The following NT5DC3 variants were observed in gnomAD, a reference collection of about 807,000 sequenced individuals.
The protein encoded by NT5DC3 is 5'-nucleotidase domain-containing protein 3.
NT5DC3 carries 42 observed loss-of-function variants against 67.8 expected under a neutral mutation model. That is an observed-to-expected ratio of 0.62 (90% CI 0.48 to 0.80). The LOEUF (loss-of-function observed/expected upper bound fraction) is 0.80, where lower values mean the gene tolerates loss of function less well. Among genes scored for constraint, NT5DC3 ranks in the 30% least tolerant of loss-of-function variants. The pLI is 0.00. For synonymous variants in NT5DC3, 237 were observed against 255.6 expected (o/e 0.93, Z 0.69); for missense variants, 570 against 696.4 (o/e 0.82, Z 2.04).
chr12:103,812,413 C>G (rs76080063), intron 2 of NT5DC3, among the ~76,000 whole-genome samples: 1 of 152,106 alleles, frequency 6.6e-6, no homozygotes, highest in East Asian at 1.9e-4. Context: ...ATAGTTTTAT[C>G]AAAGCAACAA....
At chr12:103,823,884 T>C (rs1887586197) in intron 1 of NT5DC3, among the ~76,000 whole-genome samples, 2 of 152,164 alleles carry the variant, frequency 1.3e-5, no homozygotes, top group Admixed American at 6.5e-5. Flanking sequence ...CCAGTGAAAA[T>C]GACAAGAAAA....
chr12:103,806,030 C>A (rs1886784769), intron 4 of NT5DC3, among the ~76,000 whole-genome samples: 1 of 152,062 alleles, frequency 6.6e-6, no homozygotes, highest in Admixed American at 6.5e-5. Flanking sequence ...CTCCAGACTG[C>A]TCCCGACCTC....
downstream of NT5DC3, chr12:103,765,891 T>A: frequency 2.8e-6 from 1 of 355,528 alleles, no homozygotes; most frequent in Non-Finnish European, 5.5e-6. Context: ...CCACCACTGG[T>A]TCAAGATGAA....
intron 13 of NT5DC3, 70 bp downstream of exon 13, chr12:103,780,230 G>T: frequency 7.6e-7 from 1 of 1,320,486 alleles, no homozygotes; most frequent in Non-Finnish European, 1.1e-6. Context: ...TGGCCCTGGG[G>T]AACACATGTG....
the NT5DC3 span, among the ~76,000 whole-genome samples, chr12:103,757,533 T>TG: frequency 6.6e-5 from 10 of 152,170 alleles, no homozygotes; most frequent in Admixed American, 2.6e-4. Context: ...GAGCAGGGCT[T>TG]GGGGGGCACC....
At chr12:103,798,833 A>T (rs1196156549) in intron 4 of NT5DC3, among the ~76,000 whole-genome samples, 156 bp from the exon 5 acceptor site, 1 of 152,242 alleles carries the variant, frequency 6.6e-6, no homozygotes, top group Non-Finnish European at 1.5e-5. Context: ...AATATCAGGT[A>T]AGATGCTACT....
At chr12:103,780,145 A>G (rs934906489) in intron 13 of NT5DC3, among the ~76,000 whole-genome samples, 155 bp downstream of exon 13, 1 of 152,240 alleles carries the variant, frequency 6.6e-6, no homozygotes, top group African/African-American at 2.4e-5. Context: ...AACAGCAGGT[A>G]GCTGATTCTG....
chr12:103,767,912 C>T (rs969343433), downstream of NT5DC3, among the ~76,000 whole-genome samples: 2 of 151,108 alleles, frequency 1.3e-5, no homozygotes, highest in African/African-American at 4.9e-5. Context: ...GAAACCCCGT[C>T]TCTACTAAAA....
At position 103,801,698 on chromosome 12, in the gene NT5DC3, A is replaced by T. The variant is rs1023343154; in HGVS notation, c.525-3021T>A. On this transcript the variant is annotated intron_variant, in intron 4 of 13. Coordinates refer to ENST00000392876, the MANE Select transcript of NT5DC3 (RefSeq NM_001031701.3). ...GCCCAGACAGGCTGGCATTTTTTTT[A>T]AATGTATTTAACACATTAGGGCAGA... 3.9e-5 allele frequency among the ~76,000 whole-genome samples: 6 copies of T among 151,966 alleles called. No individual in the cohort carries two copies. In the East Asian group the frequency reaches 5.8e-4, roughly 15 times the overall value.
At chr12:103,755,754 G>A in the NT5DC3 span, 1 of 1,606,580 alleles carries the variant, frequency 6.2e-7, no homozygotes, top group Non-Finnish European at 8.5e-7. Context: ...CCTCAGGCAG[G>A]GAGGGGTTGC....
At chr12:103,826,324 G>C (rs1195766094) in intron 1 of NT5DC3, among the ~76,000 whole-genome samples, 2 of 152,222 alleles carry the variant, frequency 1.3e-5, no homozygotes, top group Non-Finnish European at 1.5e-5. Flanking sequence ...TAAGGTTGCA[G>C]ATGGATTAAG....
At chr12:103,825,947 TAA>T (rs1887677357) in intron 1 of NT5DC3, among the ~76,000 whole-genome samples, 1 of 152,132 alleles carries the variant, frequency 6.6e-6, no homozygotes, top group Non-Finnish European at 1.5e-5. Flanking sequence ...CTCCATGAAG[TAA>T]ATACTACAAT....
the NT5DC3 span, chr12:103,762,201 G>C: frequency 6.3e-7 from 1 of 1,585,636 alleles, no homozygotes; most frequent in Non-Finnish European, 8.6e-7. Context: ...AGAATGCCTC[G>C]GGCCACCAAG....
At chr12:103,782,089 G>C (rs1386385620) in intron 12 of NT5DC3, among the ~76,000 whole-genome samples, 1 of 152,236 alleles carries the variant, frequency 6.6e-6, no homozygotes, top group Non-Finnish European at 1.5e-5. Context: ...TTCATGACAG[G>C]CTGGGCGTGG....
At chr12:103,825,828 A>G (rs1319269398) in intron 1 of NT5DC3, among the ~76,000 whole-genome samples, 1 of 152,246 alleles carries the variant, frequency 6.6e-6, no homozygotes, top group Non-Finnish European at 1.5e-5. Flanking sequence ...AAAATTTTTC[A>G]TTAGAATATA....
At chr12:103,746,585 C>G in the NT5DC3 span, 5 of 1,613,718 alleles carry the variant, frequency 3.1e-6, no homozygotes, top group South Asian at 5.5e-5. Context: ...AAAGTGGCCC[C>G]TTTCTTTGCA....
At chr12:103,810,825 C>G (rs576917002) in intron 2 of NT5DC3, among the ~76,000 whole-genome samples, 1 of 152,338 alleles carries the variant, frequency 6.6e-6, no homozygotes, top group East Asian at 1.9e-4. Flanking sequence ...CAGCTAGTAA[C>G]CTCTACGTTA....
intron 1 of NT5DC3, among the ~76,000 whole-genome samples, chr12:103,817,823 C>T (rs1226653954): frequency 2.0e-5 from 3 of 152,214 alleles, no homozygotes; most frequent in Non-Finnish European, 4.4e-5. Flanking sequence ...GTCAATCCAT[C>T]ATTTCTGAGC....
chr12:103,755,699 C>A, the NT5DC3 span: 1 of 1,614,132 alleles, frequency 6.2e-7, no homozygotes. Context: ...TCCTTCCCCT[C>A]ACTCACAAAC....
Sources: allele counts gnomAD v4.1 joint callset (sites outside exome capture counted in the v4.1 genomes callset), GRCh38; gene constraint gnomAD v4.1.1; transcripts MANE v1.5; gene names NCBI Gene and HGNC (gene_info 2026-07-23, HGNC 2026-07-21).